LRRC7: variants seen among roughly 807,000 people sequenced by gnomAD.
The protein encoded by LRRC7 is leucine rich repeat containing 7, also known as leucine-rich repeat-containing protein 7.
A neutral mutation model predicts 175.7 loss-of-function variants in LRRC7; 23 were observed. The observed-to-expected ratio is 0.13, with a 90% CI of 0.09 to 0.19. LRRC7 has a LOEUF of 0.19. LRRC7 is among the 10% of genes least tolerant of loss of function. The pLI is 1.00. For synonymous variants in LRRC7, 685 were observed against 680.9 expected, an observed-to-expected ratio of 1.01 and a Z score of -0.09; for missense variants, 1,354 against 1,904.7, an observed-to-expected ratio of 0.71 and a Z score of 5.38.
intron 1 of LRRC7, among the ~76,000 whole-genome samples, chr1:69,652,039 G>A (rs1655911101): frequency 6.6e-6 from 1 of 152,120 alleles, no homozygotes. Context: ...TTCAGCTCCT[G>A]GAATGGCTAC....
intron 8 of LRRC7, among the ~76,000 whole-genome samples, chr1:69,962,757 T>TAA (rs1330972825): frequency 6.6e-6 from 1 of 152,036 alleles, no homozygotes; most frequent in Non-Finnish European, 1.5e-5. Flanking sequence ...TTCTCACTTA[T>TAA]AAGTGGGAGC....
chr1:69,795,431 A>G (rs987561473), intron 4 of LRRC7, among the ~76,000 whole-genome samples: 3 of 152,148 alleles, frequency 2.0e-5, no homozygotes, highest in Non-Finnish European at 4.4e-5. Context: ...CAGTTACTTA[A>G]GGAACATAAT....
chr1:69,755,597 T>A (rs1670332064), intron 2 of LRRC7, among the ~76,000 whole-genome samples: 1 of 151,622 alleles, frequency 6.6e-6, no homozygotes, highest in South Asian at 2.1e-4. Flanking sequence ...CAAAGCACAT[T>A]ATTAGCAACA....
intron 1 of LRRC7, among the ~76,000 whole-genome samples, chr1:69,651,841 T>A (rs1263734104): frequency 6.6e-6 from 1 of 152,132 alleles, no homozygotes; most frequent in Non-Finnish European, 1.5e-5. Flanking sequence ...GGGACTGGTT[T>A]CTGTCAGTAC....
intron 2 of LRRC7, among the ~76,000 whole-genome samples, chr1:69,697,928 C>A (rs1662824944): frequency 1.3e-5 from 2 of 152,154 alleles, no homozygotes; most frequent in Non-Finnish European, 2.9e-5. Flanking sequence ...GAGGCAAAAC[C>A]AAATATCCTC....
At chr1:69,757,144 A>G (rs561284319) in intron 2 of LRRC7, among the ~76,000 whole-genome samples, 108 of 152,118 alleles carry the variant, frequency 7.1e-4, no homozygotes, top group South Asian at 5.4e-3. Flanking sequence ...GTAGAAAGAT[A>G]TTAATACTTT....
chr1:69,958,363 C>T (rs1650711700), intron 8 of LRRC7, among the ~76,000 whole-genome samples: 1 of 151,896 alleles, frequency 6.6e-6, no homozygotes. Context: ...ATTTTCAGTG[C>T]CCTATCAGAG....
chr1:69,591,831 G>T (rs1646647090), intron 1 of LRRC7, among the ~76,000 whole-genome samples: 1 of 151,936 alleles, frequency 6.6e-6, no homozygotes, highest in Admixed American at 6.6e-5. Flanking sequence ...ACATCCATCT[G>T]CAGATGCTCT....
chr1:69,754,058 G>A (rs66931970), intron 2 of LRRC7, among the ~76,000 whole-genome samples: 4,588 of 152,136 alleles, frequency 0.03, 99 homozygotes, highest in Non-Finnish European at 0.046. Context: ...GAGAAGTGTG[G>A]TACCTGGCCA....
At chr1:69,577,287 G>C (rs928993026) in intron 1 of LRRC7, among the ~76,000 whole-genome samples, 1 of 152,128 alleles carries the variant, frequency 6.6e-6, no homozygotes, top group African/African-American at 2.4e-5. Context: ...CTCTTCCCTA[G>C]TAGAATTTCT....
intron 11 of LRRC7, among the ~76,000 whole-genome samples, chr1:70,004,705 ATCTC>A (rs139541811): frequency 6.7e-6 from 1 of 148,150 alleles, no homozygotes; most frequent in Non-Finnish European, 1.5e-5. Context: ...TGCCAAACAA[ATCTC>A]TCTCTCTCTC....
At chr1:69,824,039 C>T (rs1045705833) in intron 4 of LRRC7, among the ~76,000 whole-genome samples, 2 of 152,130 alleles carry the variant, frequency 1.3e-5, no homozygotes, top group East Asian at 3.8e-4. Context: ...ACCATTTTCA[C>T]CACAGTAGGC....
At chr1:69,694,408 A>C (rs1662290978) in intron 2 of LRRC7, among the ~76,000 whole-genome samples, 1 of 152,180 alleles carries the variant, frequency 6.6e-6, no homozygotes, top group Admixed American at 6.5e-5. Context: ...TAGCTTTAAA[A>C]GGCTGATTTT....
chr1:70,049,726 A>G (rs1199563783), intron 22 of LRRC7, among the ~76,000 whole-genome samples: 1 of 152,116 alleles, frequency 6.6e-6, no homozygotes, highest in Non-Finnish European at 1.5e-5. Context: ...AATCACTGTC[A>G]TTTAGATCCA....
chr1:69,894,343 G>T (rs190691356), intron 7 of LRRC7, among the ~76,000 whole-genome samples: 4 of 152,102 alleles, frequency 2.6e-5, no homozygotes, highest in African/African-American at 9.7e-5. Flanking sequence ...TGTGACTCTC[G>T]CCTTGTTCTT....
chr1:69,958,417 G>A (rs1302232509), intron 8 of LRRC7, among the ~76,000 whole-genome samples: 5 of 152,120 alleles, frequency 3.3e-5, no homozygotes, highest in Non-Finnish European at 7.4e-5. Flanking sequence ...AAGGCAAAGA[G>A]TTGGGCACAT....
At chr1:69,899,062 T>C (rs908221622) in intron 7 of LRRC7, among the ~76,000 whole-genome samples, 1 of 152,170 alleles carries the variant, frequency 6.6e-6, no homozygotes, top group African/African-American at 2.4e-5. Flanking sequence ...CATTTGGCTA[T>C]TGGAGATTTT....
intron 2 of LRRC7, among the ~76,000 whole-genome samples, chr1:69,726,598 A>G (rs1667006424): frequency 6.6e-6 from 1 of 152,134 alleles, no homozygotes; most frequent in Non-Finnish European, 1.5e-5. Context: ...GATCTGGGCT[A>G]AAGATGTGGA....
At chr1:69,940,179 A>G (rs764800626) in intron 8 of LRRC7, among the ~76,000 whole-genome samples, 1 of 152,122 alleles carries the variant, frequency 6.6e-6, no homozygotes, top group Non-Finnish European at 1.5e-5. Flanking sequence ...AGGAGGATCA[A>G]ATTGGGGTCT....
Sources: allele counts gnomAD v4.1 joint callset (sites outside exome capture counted in the v4.1 genomes callset), GRCh38; gene constraint gnomAD v4.1.1; transcripts MANE v1.5; gene names NCBI Gene and HGNC (gene_info 2026-07-23, HGNC 2026-07-21).